Variants in CAB39L observed in about 807,000 individuals in gnomAD.
The protein encoded by CAB39L is calcium-binding protein 39-like.
Under a neutral mutation model 39.1 loss-of-function variants are expected in CAB39L, and 23 were observed. The ratio of observed to expected loss-of-function variants is 0.59; its 90% confidence interval spans 0.42 to 0.83. CAB39L has a LOEUF of 0.83. Among genes scored for constraint, CAB39L ranks in the 40% least tolerant of loss-of-function variants. The pLI is 0.00. For missense variants in CAB39L, 366 were observed against 391.9 expected (o/e 0.93, Z 0.56); for synonymous variants, 126 against 137.2 (o/e 0.92, Z 0.57).
chr13:49,392,912 T>C (rs1315251492), intron 3 of CAB39L: 1 of 152,102 alleles, frequency 6.6e-6, no homozygotes, highest in Admixed American at 6.5e-5. Flanking sequence ...ATAAAAATTA[T>C]CTCAGTGGCA....
chr13:49,367,113 G>A (rs1406474002), intron 5 of CAB39L, among the ~76,000 whole-genome samples: 2 of 152,076 alleles, frequency 1.3e-5, no homozygotes, highest in Non-Finnish European at 2.9e-5. Flanking sequence ...GATTACTTGA[G>A]CCAGGAGTTT....
chr13:49,313,673 C>T (rs1297748742), intron 10 of CAB39L, among the ~76,000 whole-genome samples: 2 of 152,168 alleles, frequency 1.3e-5, no homozygotes, highest in East Asian at 1.9e-4. Flanking sequence ...TCCTTAGTTA[C>T]TGCTACATAC....
chr13:49,334,962 C>T (rs1954810905), intron 9 of CAB39L, among the ~76,000 whole-genome samples: 2 of 152,098 alleles, frequency 1.3e-5, no homozygotes, highest in Admixed American at 1.3e-4. Context: ...AATAATAAAA[C>T]TTCTCTTATC....
At chr13:49,351,589 G>T (rs1955358620) in intron 6 of CAB39L, among the ~76,000 whole-genome samples, 1 of 152,156 alleles carries the variant, frequency 6.6e-6, no homozygotes. Flanking sequence ...AGAGTTTAAA[G>T]CAAGAAATTG....
intron 7 of CAB39L, among the ~76,000 whole-genome samples, chr13:49,347,128 C>T (rs1955203828): frequency 6.6e-6 from 1 of 151,968 alleles, no homozygotes; most frequent in Admixed American, 6.5e-5. Flanking sequence ...GTCATTGTTA[C>T]ATTATATTAA....
intron 5 of CAB39L, 112 bp from the exon 6 acceptor site, chr13:49,359,944 T>C (rs1955588237): frequency 5.2e-6 from 3 of 574,038 alleles, no homozygotes; most frequent in Non-Finnish European, 9.0e-6. Context: ...TACCATCCTT[T>C]CTAATATGCA....
chr13:49,400,915 G>A (rs1956755754), intron 3 of CAB39L, among the ~76,000 whole-genome samples: 1 of 151,688 alleles, frequency 6.6e-6, no homozygotes, highest in East Asian at 1.9e-4. Flanking sequence ...AGAATAGTTG[G>A]TAATGGTTCA....
At chr13:49,313,673 C>A (rs1297748742) in intron 10 of CAB39L, among the ~76,000 whole-genome samples, 1 of 152,168 alleles carries the variant, frequency 6.6e-6, no homozygotes, top group South Asian at 2.1e-4. Context: ...TCCTTAGTTA[C>A]TGCTACATAC....
At chr13:49,356,579 A>C in intron 6 of CAB39L, among the ~76,000 whole-genome samples, 1 of 152,142 alleles carries the variant, frequency 6.6e-6, no homozygotes, top group East Asian at 1.9e-4. Context: ...TTTTTGTCTT[A>C]TATTCTTTAT....
intron 1 of CAB39L, among the ~76,000 whole-genome samples, chr13:49,440,193 G>C (rs1957487119): frequency 6.6e-6 from 1 of 151,778 alleles, no homozygotes; most frequent in Non-Finnish European, 1.5e-5. Flanking sequence ...TTTTTTCCTA[G>C]GATTCTTACT....
chr13:49,352,694 G>A (rs1031209780), intron 6 of CAB39L, among the ~76,000 whole-genome samples: 2 of 152,172 alleles, frequency 1.3e-5, no homozygotes, highest in African/African-American at 4.8e-5. Context: ...AGGAGGCTGA[G>A]GTGGGAGATT....
chr13:49,348,388 C>T (rs1955242295), intron 7 of CAB39L, among the ~76,000 whole-genome samples: 1 of 152,090 alleles, frequency 6.6e-6, no homozygotes, highest in African/African-American at 2.4e-5. Flanking sequence ...GCCAACATGG[C>T]AAAACCCCCT....
At chr13:49,345,412 T>G (rs920363809) in intron 7 of CAB39L, among the ~76,000 whole-genome samples, 2 of 152,178 alleles carry the variant, frequency 1.3e-5, no homozygotes, top group Admixed American at 6.5e-5. Context: ...CCACTGGGCC[T>G]ATCAGTGGAA....
intron 1 of CAB39L, among the ~76,000 whole-genome samples, chr13:49,437,387 T>TA (rs1373005277): frequency 6.6e-6 from 1 of 152,174 alleles, no homozygotes; most frequent in Non-Finnish European, 1.5e-5. Context: ...AGCCTCCAGG[T>TA]AGATGGTGAC....
intron 1 of CAB39L, among the ~76,000 whole-genome samples, chr13:49,443,102 G>A (rs962670119): frequency 1.3e-4 from 14 of 107,526 alleles, no homozygotes; most frequent in Non-Finnish European, 1.4e-4. Flanking sequence ...AAAAAAAAAA[G>A]GAGGAGGGAA....
intron 10 of CAB39L, among the ~76,000 whole-genome samples, chr13:49,312,652 G>A (rs925019133): frequency 1.3e-5 from 2 of 152,188 alleles, no homozygotes; most frequent in Non-Finnish European, 2.9e-5. Flanking sequence ...ACAACTCCCT[G>A]CTGTTAAGCG....
At chr13:49,405,749 G>GGAAGGAAGGAA (rs1566122271) in intron 3 of CAB39L, among the ~76,000 whole-genome samples, 4 of 144,864 alleles carry the variant, frequency 2.8e-5, no homozygotes, top group African/African-American at 1.0e-4. Context: ...AAGGAAGGAA[G>GGAAGGAAGGAA]GGAGGGAGGG....
chr13:49,331,109 A>G (rs1294959821), intron 10 of CAB39L, among the ~76,000 whole-genome samples: 1 of 152,180 alleles, frequency 6.6e-6, no homozygotes, highest in Non-Finnish European at 1.5e-5. Flanking sequence ...ACTATTTACA[A>G]TAGTTAGGCT....
Position 49,382,901 on chromosome 13 carries a change from T to A in CAB39L, c.10A>T (p.Met4Leu). 1 of 1,591,466 alleles carries A rather than the reference T, an allele frequency of 6.3e-7. No homozygotes were observed. Among genetic ancestry groups the A allele is most frequent in the Non-Finnish European group, 8.6e-7 (1 of 1,162,072 alleles). Residue 4 changes from methionine to leucine, a missense_variant, in exon 4 of 11, where the codon ATG becomes TTG. Physicochemically the swap from Met to Leu is conservative, Grantham distance 15. Transcript: ENST00000409308. The stretch of plus-strand genomic sequence containing the variant: ...TTGTGTGATTTACTAAACAAAGGCA[T>A]TTTTTTCATGTGTAGAAATCTCTTC... MKKMPLFSKSHKNP... is the reference protein window; with the variant it reads MKKLPLFSKSHKNP...
Sources: allele counts gnomAD v4.1 joint callset (sites outside exome capture counted in the v4.1 genomes callset), GRCh38; gene constraint gnomAD v4.1.1; transcripts MANE v1.5; gene names NCBI Gene and HGNC (gene_info 2026-07-23, HGNC 2026-07-21).